C6: variants seen among roughly 807,000 people sequenced by gnomAD.
The protein encoded by C6 is complement component C6.
C6 carries 101 observed loss-of-function variants against 112.9 expected under a neutral mutation model. That is an observed-to-expected ratio of 0.89 (90% CI 0.76 to 1.06). C6 has a LOEUF of 1.06. C6 is among the 50% of genes least tolerant of loss of function. C6 has a pLI of 0.00. For missense variants in C6, 1,202 were observed against 1,104.6 expected, an observed-to-expected ratio of 1.09 and a Z score of -1.25; for synonymous variants, 431 against 384.1, an observed-to-expected ratio of 1.12 and a Z score of -1.43.
In C6 at chr5:41,154,968, T is replaced by C. The variant is rs1436758301; in HGVS notation, c.2101+4A>G. ...TCAAGCAAAATTGTTTGCCCAGTTC[T>C]CACGTTGGCATTCCACATCCCCTTG... On this transcript the variant is annotated splice_donor_region_variant and intron_variant, in intron 14 of 17. Coordinates refer to ENST00000337836, the MANE Select transcript of C6 (RefSeq NM_000065.5). 6.2e-7 allele frequency: 1 copy of C among 1,613,702 alleles called. No homozygotes were observed. Among genetic ancestry groups the C allele is most frequent in the Admixed American group, 1.7e-5 (1 of 59,990 alleles).
chr5:41,182,426 C>A (rs1055999628), intron 6 of C6, among the ~76,000 whole-genome samples: 1 of 152,126 alleles, frequency 6.6e-6, no homozygotes, highest in Non-Finnish European at 1.5e-5. Context: ...GCAGTGTAAC[C>A]TAACTTGTCT....
chr5:41,197,371 T>C (rs2150357648), intron 4 of C6, among the ~76,000 whole-genome samples: 1 of 152,272 alleles, frequency 6.6e-6, no homozygotes, highest in Non-Finnish European at 1.5e-5. Context: ...AAACAGTGCA[T>C]TTCTAGTTTT....
At chr5:41,205,604 C>T (rs767657076) in intron 1 of C6, among the ~76,000 whole-genome samples, 11 of 152,196 alleles carry the variant, frequency 7.2e-5, no homozygotes, top group South Asian at 4.1e-4. Context: ...GTCCCACACC[C>T]GCAGAGCCTC....
chr5:41,203,559 TAGA>T, intron 1 of C6: 31 of 356,226 alleles, frequency 8.7e-5, no homozygotes, highest in Admixed American at 1.5e-4. Context: ...AAAAGTATTT[TAGA>T]TTTATACAGT....
In C6 at chr5:41,224,174, G is replaced by GT. The variant is rs144988784; in HGVS notation, c.-20-20925dup. ...TATTACCTCACATACTTACCATTTT[G>GT]TTTTTTGCGGTGAGAATACTAAATG... On this transcript the variant is annotated intron_variant, in intron 1 of 17. Coordinates refer to the C6 transcript ENST00000263413. 4.8e-3 allele frequency among the ~76,000 whole-genome samples: 724 copies of GT among 152,148 alleles called. 10 individuals are homozygous for GT. Among genetic ancestry groups the GT allele is most frequent in the African/African-American group, 0.017 (695 of 41,530 alleles).
chr5:41,156,323 G>T (rs897220905), intron 13 of C6, among the ~76,000 whole-genome samples: 1 of 151,974 alleles, frequency 6.6e-6, no homozygotes, highest in African/African-American at 2.4e-5. Flanking sequence ...GTATCTTGAG[G>T]TACAACGTCC....
chr5:41,189,589 T>C (rs1015268414), intron 5 of C6, among the ~76,000 whole-genome samples: 2 of 152,106 alleles, frequency 1.3e-5, no homozygotes, highest in African/African-American at 4.8e-5. Flanking sequence ...TCAGGGTAAT[T>C]AGCATATTCA....
chr5:41,166,620 A>T (rs1343841084), intron 9 of C6, among the ~76,000 whole-genome samples: 1 of 152,162 alleles, frequency 6.6e-6, no homozygotes, highest in Non-Finnish European at 1.5e-5. Flanking sequence ...AGACCATGTC[A>T]CTGTCCTGAA....
chr5:41,178,495 G>GA (rs1749049390), intron 7 of C6, among the ~76,000 whole-genome samples: 1 of 46,714 alleles, frequency 2.1e-5, no homozygotes, highest in South Asian at 7.2e-4. Context: ...TTGTGAGATG[G>GA]AGACAGAGCT....
chr5:41,161,944 A>C (rs1405106593), intron 9 of C6, 85 bp from the exon 10 acceptor site: 3 of 1,318,476 alleles, frequency 2.3e-6, no homozygotes, highest in Admixed American at 3.5e-5. Flanking sequence ...CTATTTGTAC[A>C]GAAGGGAGAA....
chr5:41,206,120 C>A (rs1342947804), intron 1 of C6, among the ~76,000 whole-genome samples: 2 of 151,526 alleles, frequency 1.3e-5, no homozygotes, highest in Non-Finnish European at 2.9e-5. Context: ...CAGGAGTGGA[C>A]CTCCAGCAAA....
intron 1 of C6, among the ~76,000 whole-genome samples, chr5:41,207,748 A>G (rs1325577783): frequency 2.6e-5 from 4 of 151,532 alleles, no homozygotes; most frequent in African/African-American, 9.7e-5. Context: ...GAGATCTACA[A>G]AGAGACTTAG....
intron 12 of C6, 129 bp from the exon 13 acceptor site, chr5:41,158,914 CAG>C (rs1336147029): frequency 3.8e-6 from 4 of 1,051,074 alleles, no homozygotes; most frequent in Non-Finnish European, 5.9e-6. Context: ...ACATTACACA[CAG>C]AAAAAGGCAC....
intron 1 of C6, among the ~76,000 whole-genome samples, chr5:41,219,127 G>A (rs1489448981): frequency 6.6e-6 from 1 of 152,030 alleles, no homozygotes; most frequent in Non-Finnish European, 1.5e-5. Flanking sequence ...TGTGCTGGCT[G>A]ATGCCAGCCC....
rs1746154305 is a variant in C6, at chr5:41,149,354, C to T, written c.2510G>A (p.Cys837Tyr). 6.2e-7 allele frequency: 1 copy of T among 1,613,962 alleles called. No individual in the cohort carries two copies. Among genetic ancestry groups the T allele is most frequent in the Admixed American group, 1.7e-5 (1 of 59,998 alleles). ...CCATTCTAACTGGCGGCCGTCTTGG[C>T]AGGAACCAATATGTAGAAAATGGAG... is the stretch of plus-strand genomic sequence containing the variant. ...QQLHFLHIGS[C>Y]QDGRQLEWGL... is the part of the protein sequence containing the mutation. The change falls in exon 17 of 18, where the codon TGC becomes TAC. Residue 837 changes from cysteine to tyrosine, a missense_variant. By Grantham distance (194) the Cys-to-Tyr change is radical. Coordinates refer to ENST00000337836, the MANE Select transcript of C6 (RefSeq NM_000065.5).
chr5:41,181,258 T>C (rs1467382006), intron 7 of C6, 101 bp downstream of exon 7: 5 of 1,068,488 alleles, frequency 4.7e-6, no homozygotes, highest in Non-Finnish European at 7.2e-6. Flanking sequence ...TTAGAAGTCA[T>C]ACTGGTACAA....
At chr5:41,238,910 C>T (rs886275233) in intron 1 of C6, among the ~76,000 whole-genome samples, 1 of 151,852 alleles carries the variant, frequency 6.6e-6, no homozygotes, top group Non-Finnish European at 1.5e-5. Flanking sequence ...TTTAAAATAA[C>T]TTACGTGTTT....
chr5:41,146,337 A>G (rs1432953059), intron 17 of C6, among the ~76,000 whole-genome samples: 1 of 152,172 alleles, frequency 6.6e-6, no homozygotes, highest in Admixed American at 6.5e-5. Flanking sequence ...TCCATTTTAG[A>G]TAGAGAAGGA....
chr5:41,234,843 G>C (rs898557500), intron 1 of C6, among the ~76,000 whole-genome samples: 1 of 152,046 alleles, frequency 6.6e-6, no homozygotes, highest in East Asian at 1.9e-4. Flanking sequence ...ATTTGTAAAT[G>C]TGAATTACTC....
Sources: allele counts gnomAD v4.1 joint callset (sites outside exome capture counted in the v4.1 genomes callset), GRCh38; gene constraint gnomAD v4.1.1; transcripts MANE v1.5; gene names NCBI Gene and HGNC (gene_info 2026-07-23, HGNC 2026-07-21).